The following TENM1 variants were observed in gnomAD, a reference collection of about 807,000 sequenced individuals.
The protein encoded by TENM1 is teneurin transmembrane protein 1.
In TENM1, 35 loss-of-function variants were observed where a neutral mutation model predicts 174.8. The observed-to-expected ratio is 0.20, with a 90% CI of 0.15 to 0.27. TENM1 has a LOEUF of 0.27. Ranked by LOEUF, TENM1 falls within the 10% of genes least tolerant of loss-of-function variation. The pLI is 1.00. For synonymous variants in TENM1, 781 were observed against 798.7 expected, an observed-to-expected ratio of 0.98 and a Z score of 0.37; for missense variants, 1,633 against 2,130.1, an observed-to-expected ratio of 0.77 and a Z score of 4.59.
chrX:124,567,773 C>T (rs2858439), intron 11 of TENM1, among the ~76,000 whole-genome samples: 26,506 of 110,823 alleles, frequency 0.24, 2,467 homozygotes, highest in South Asian at 0.37. Flanking sequence ...GTATTTATAA[C>T]TTCAGTCCTT....
chrX:124,416,147 A>G (rs2060591409), intron 25 of TENM1, among the ~76,000 whole-genome samples: 1 of 111,516 alleles, frequency 9.0e-6, no homozygotes, highest in African/African-American at 3.3e-5. Context: ...TGTACAATCC[A>G]GTGACTTACA....
chrX:124,651,755 T>A (rs112474138), intron 8 of TENM1, among the ~76,000 whole-genome samples, 159 bp downstream of exon 11: 1 of 111,455 alleles, frequency 9.0e-6, no homozygotes, highest in Non-Finnish European at 1.9e-5. Flanking sequence ...ACATCAATGA[T>A]AACAACAATA....
At chrX:124,813,332 C>T (rs1009298773) in intron 3 of TENM1, among the ~76,000 whole-genome samples, 1 of 111,682 alleles carries the variant, frequency 9.0e-6, no homozygotes, top group Non-Finnish European at 1.9e-5. Context: ...CAAGTACTCT[C>T]ACAAACTGAT....
the TENM1 span, among the ~76,000 whole-genome samples, chrX:125,156,629 T>C: frequency 8.9e-6 from 1 of 112,314 alleles, no homozygotes; most frequent in East Asian, 2.8e-4. Context: ...ATAGTGTATA[T>C]ATACTACATT....
the TENM1 span, among the ~76,000 whole-genome samples, chrX:125,156,245 C>T: frequency 1.4e-4 from 16 of 111,933 alleles, no homozygotes; most frequent in African/African-American, 5.2e-4. Flanking sequence ...CTGCTATAAA[C>T]ATTTAGCAGT....
chrX:124,928,666 G>A (rs1404051327), intron 1 of TENM1, among the ~76,000 whole-genome samples: 1 of 111,752 alleles, frequency 8.9e-6, no homozygotes, highest in African/African-American at 3.2e-5. Flanking sequence ...AAAAACAACG[G>A]GAATCTAGGA....
chrX:124,820,690 T>A (rs1269991821), intron 3 of TENM1, among the ~76,000 whole-genome samples: 2 of 112,314 alleles, frequency 1.8e-5, no homozygotes, highest in Non-Finnish European at 3.8e-5. Context: ...AATCACATAA[T>A]CTGTTAGGGG....
At chrX:125,110,727 G>C in the TENM1 span, among the ~76,000 whole-genome samples, 1 of 111,654 alleles carries the variant, frequency 9.0e-6, no homozygotes, top group African/African-American at 3.3e-5. Flanking sequence ...CAAAGATCCA[G>C]TGCTAATTTT....
the TENM1 span, among the ~76,000 whole-genome samples, chrX:125,063,808 A>G: frequency 4.6e-5 from 5 of 109,603 alleles, no homozygotes; most frequent in South Asian, 1.2e-3. Context: ...TCCCATTACT[A>G]GGTATATACC....
In TENM1 at chrX:124,905,872, A is replaced by T. The variant is rs143617531; in HGVS notation, c.218-9631T>A. 2.0e-3 allele frequency among the ~76,000 whole-genome samples: 220 copies of T among 109,708 alleles called. 1 individual carries two copies. The East Asian group carries it at 0.024, about 12-fold the overall frequency. On this transcript the variant is annotated intron_variant, in intron 1 of 31. Transcript: ENST00000422452. Reference sequence around the variant, plus strand: ...AATGGAGAAAGAGCCATCAGAAAGGAATAAAAGAAACAACTTCTGAATCTG... The same window carrying T: ...AATGGAGAAAGAGCCATCAGAAAGGTATAAAAGAAACAACTTCTGAATCTG...
At chrX:124,614,836 T>A (rs777359942) in intron 11 of TENM1, among the ~76,000 whole-genome samples, 228 of 112,014 alleles carry the variant, frequency 2.0e-3, no homozygotes, top group African/African-American at 6.9e-3. Flanking sequence ...TGAGCGGAGA[T>A]CACGCCAATG....
At chrX:124,995,689 G>A in the TENM1 span, among the ~76,000 whole-genome samples, 1 of 111,350 alleles carries the variant, frequency 9.0e-6, no homozygotes, top group African/African-American at 3.3e-5. Flanking sequence ...CCTTGAAGAA[G>A]GTGAGTACAG....
chrX:124,676,604 G>A (rs765376319), intron 5 of TENM1, among the ~76,000 whole-genome samples: 2 of 107,739 alleles, frequency 1.9e-5, no homozygotes, highest in African/African-American at 6.7e-5. Flanking sequence ...GTAATGAATG[G>A]ATTGTCTTGG....
chrX:124,734,667 G>A, intron 4 of TENM1, among the ~76,000 whole-genome samples: 1 of 110,818 alleles, frequency 9.0e-6, no homozygotes, highest in Non-Finnish European at 1.9e-5. Context: ...TGTTGATGGT[G>A]AAATATTCTC....
intron 28 of TENM1, among the ~76,000 whole-genome samples, chrX:124,391,067 G>T (rs6649215): frequency 0.15 from 16,401 of 111,078 alleles, 1,073 homozygotes; most frequent in East Asian, 0.3. Context: ...AACATGGTTT[G>T]ATAATGACAT....
intron 3 of TENM1, among the ~76,000 whole-genome samples, chrX:124,850,964 A>G (rs2056708874): frequency 9.0e-6 from 1 of 111,328 alleles, no homozygotes; most frequent in Non-Finnish European, 1.9e-5. Flanking sequence ...ATAAAGAGAC[A>G]GCCAGAGAGC....
At chrX:124,977,441 T>A in the TENM1 span, among the ~76,000 whole-genome samples, 305 of 111,692 alleles carry the variant, frequency 2.7e-3, no homozygotes, top group South Asian at 6.7e-3. Context: ...ATGTTTACTG[T>A]TTGTTTTTCT....
chrX:125,049,128 G>A, the TENM1 span, among the ~76,000 whole-genome samples: 1 of 111,377 alleles, frequency 9.0e-6, no homozygotes, highest in East Asian at 2.8e-4. Context: ...CCCTTTTAAA[G>A]TGTACAATTC....
intron 16 of TENM1, among the ~76,000 whole-genome samples, chrX:124,525,120 C>T (rs1425169807): frequency 8.9e-6 from 1 of 112,057 alleles, no homozygotes; most frequent in Non-Finnish European, 1.9e-5. Flanking sequence ...TATTACCAAT[C>T]GTGTTTTGTT....
Sources: gnomAD v4.1 joint callset for allele counts (sites outside exome capture counted in the v4.1 genomes callset) on GRCh38, gnomAD v4.1.1 for gene constraint, MANE v1.5 for transcripts, NCBI Gene and HGNC (gene_info 2026-07-23, HGNC 2026-07-21) for gene names.